The following DPP10 variants were observed in gnomAD, a reference collection of about 807,000 sequenced individuals.
The protein encoded by DPP10 is dipeptidyl peptidase like 10.
DPP10 carries 33 observed loss-of-function variants against 120.9 expected under a neutral mutation model. That is an observed-to-expected ratio of 0.27 (90% CI 0.21 to 0.37). The LOEUF is 0.37. Ranked by LOEUF, DPP10 falls within the 10% of genes least tolerant of loss-of-function variation. The pLI, the probability that DPP10 is intolerant of heterozygous loss-of-function variation, is 1.00. For missense variants in DPP10, 816 were observed against 942.8 expected, an observed-to-expected ratio of 0.87 and a Z score of 1.76; for synonymous variants, 337 against 326.1, an observed-to-expected ratio of 1.03 and a Z score of -0.36.
intron 5 of DPP10, among the ~76,000 whole-genome samples, chr2:115,634,733 C>T (rs953258863): frequency 5.9e-5 from 9 of 152,146 alleles, no homozygotes; most frequent in African/African-American, 2.2e-4. Context: ...ATGTTGGCTG[C>T]TCCTTGGTGG....
At chr2:114,593,854 A>C (rs113901539) in intron 1 of DPP10, among the ~76,000 whole-genome samples, 1 of 152,114 alleles carries the variant, frequency 6.6e-6, no homozygotes, top group African/African-American at 2.4e-5. Flanking sequence ...GCCCACTTGC[A>C]ACAAGAATCA....
chr2:115,701,342 A>T (rs2091879939), intron 7 of DPP10, among the ~76,000 whole-genome samples: 1 of 152,042 alleles, frequency 6.6e-6, no homozygotes, highest in East Asian at 1.9e-4. Flanking sequence ...TCAGGAAAGG[A>T]CTATCTTTTT....
intron 2 of DPP10, among the ~76,000 whole-genome samples, chr2:115,324,800 A>T (rs112296478): frequency 0.012 from 1,875 of 152,186 alleles, 9 homozygotes; most frequent in African/African-American, 0.018. Flanking sequence ...CACTAAGCTT[A>T]ATTGTTTTTA....
chr2:115,206,045 T>C (rs765005635), intron 1 of DPP10, among the ~76,000 whole-genome samples: 6 of 152,104 alleles, frequency 3.9e-5, no homozygotes, highest in Non-Finnish European at 8.8e-5. Context: ...AAACTAAAAA[T>C]GAGTAAGAAT....
At chr2:115,576,413 T>A (rs894586687) in intron 5 of DPP10, among the ~76,000 whole-genome samples, 6 of 152,110 alleles carry the variant, frequency 3.9e-5, no homozygotes, top group Non-Finnish European at 8.8e-5. Context: ...AATAAATGAG[T>A]CTCAGGTTCC....
intron 1 of DPP10, among the ~76,000 whole-genome samples, chr2:115,197,094 A>C (rs950277980): frequency 6.6e-6 from 1 of 152,122 alleles, no homozygotes; most frequent in Non-Finnish European, 1.5e-5. Flanking sequence ...TGGGCTGAGG[A>C]AACGAAGGAG....
intron 5 of DPP10, among the ~76,000 whole-genome samples, chr2:115,669,362 G>A (rs997262317): frequency 6.6e-6 from 1 of 152,118 alleles, no homozygotes; most frequent in Non-Finnish European, 1.5e-5. Flanking sequence ...GTTGTGTACT[G>A]TAGTTAATAG....
rs1211120505 is a variant in DPP10 at position 115,185,158 on chromosome 2, G to A, written c.61-124081G>A. On this transcript the variant is annotated intron_variant, in intron 1 of 25. Coordinates refer to ENST00000410059, the MANE Select transcript of DPP10 (RefSeq NM_020868.6). Reference sequence around the variant, plus strand: ...CTCTTGTAAACACTACAATGACATCGTTAAATATTCCATGCTTAAAACGCA... The same window carrying A: ...CTCTTGTAAACACTACAATGACATCATTAAATATTCCATGCTTAAAACGCA... Among the ~76,000 whole-genome samples, 5 of 152,012 alleles carry A rather than the reference G, an allele frequency of 3.3e-5. No individual in the cohort carries two copies. In the South Asian group the frequency reaches 6.2e-4, roughly 19 times the overall value.
intron 1 of DPP10, among the ~76,000 whole-genome samples, chr2:114,521,634 A>T (rs1208761178): frequency 2.0e-5 from 3 of 152,112 alleles, no homozygotes; most frequent in Admixed American, 6.6e-5. Flanking sequence ...TTAATGTTAA[A>T]AAAAGGTCTA....
intron 5 of DPP10, among the ~76,000 whole-genome samples, chr2:115,548,655 G>A (rs1373185376): frequency 6.6e-6 from 1 of 152,122 alleles, no homozygotes; most frequent in African/African-American, 2.4e-5. Context: ...ACCATCTAAT[G>A]ATGGATGAGG....
chr2:115,254,063 C>T (rs564456078), intron 1 of DPP10, among the ~76,000 whole-genome samples: 19 of 152,066 alleles, frequency 1.2e-4, no homozygotes, highest in African/African-American at 3.9e-4. Context: ...CATGCCTGCA[C>T]GCTTAACACC....
At chr2:114,944,152 A>G (rs1313873606) in intron 1 of DPP10, among the ~76,000 whole-genome samples, 1 of 152,188 alleles carries the variant, frequency 6.6e-6, no homozygotes, top group Non-Finnish European at 1.5e-5. Context: ...TTCTTGAACC[A>G]AGACTGAAAA....
At chr2:115,288,837 A>C (rs1401634862) in intron 1 of DPP10, among the ~76,000 whole-genome samples, 1 of 152,188 alleles carries the variant, frequency 6.6e-6, no homozygotes, top group African/African-American at 2.4e-5. Flanking sequence ...AGCCAATATA[A>C]TACTGAATGG....
chr2:115,209,566 T>G (rs964832107), intron 1 of DPP10, among the ~76,000 whole-genome samples: 2 of 152,220 alleles, frequency 1.3e-5, no homozygotes, highest in African/African-American at 2.4e-5. Context: ...TATTTCTTTC[T>G]TATTACTTTT....
chr2:114,572,550 C>T (rs1021471537), intron 1 of DPP10, among the ~76,000 whole-genome samples: 1 of 152,174 alleles, frequency 6.6e-6, no homozygotes, highest in African/African-American at 2.4e-5. Flanking sequence ...AGAGGCAGAT[C>T]TCTCCACCCT....
At chr2:115,829,656 T>C (rs567010050) in intron 21 of DPP10, among the ~76,000 whole-genome samples, 68 of 152,176 alleles carry the variant, frequency 4.5e-4, no homozygotes, top group African/African-American at 1.4e-3. Context: ...ACATTTCTTT[T>C]ATTTCTTTTT....
chr2:114,860,900 A>G (rs932092708), intron 1 of DPP10, among the ~76,000 whole-genome samples: 8 of 152,158 alleles, frequency 5.3e-5, no homozygotes, highest in African/African-American at 1.9e-4. Context: ...GAGGCAACCA[A>G]TATTCGACTT....
chr2:114,766,622 G>A (rs941127309), intron 1 of DPP10, among the ~76,000 whole-genome samples: 6 of 152,058 alleles, frequency 3.9e-5, no homozygotes, highest in African/African-American at 1.4e-4. Flanking sequence ...TTTGCTATAA[G>A]CAATAACCTG....
chr2:115,093,573 TA>T (rs1414020048), intron 1 of DPP10, among the ~76,000 whole-genome samples: 3 of 152,078 alleles, frequency 2.0e-5, no homozygotes, highest in Admixed American at 1.3e-4. Context: ...ATGTAATGCC[TA>T]GGAAATAGTA....
Sources: gnomAD v4.1 joint callset for allele counts (sites outside exome capture counted in the v4.1 genomes callset) on GRCh38, gnomAD v4.1.1 for gene constraint, MANE v1.5 for transcripts, NCBI Gene and HGNC (gene_info 2026-07-23, HGNC 2026-07-21) for gene names.